CDH4: variants seen among roughly 807,000 people sequenced by gnomAD.
The protein encoded by CDH4 is cadherin-4.
A neutral mutation model predicts 86.0 loss-of-function variants in CDH4; 33 were observed. The observed-to-expected ratio is 0.38, with a 90% CI of 0.29 to 0.51. The LOEUF is 0.51. Among genes scored for constraint, CDH4 ranks in the 20% least tolerant of loss-of-function variants. The pLI is 0.86. For missense variants in CDH4, 1,114 were observed against 1,307.4 expected, an observed-to-expected ratio of 0.85 and a Z score of 2.28; for synonymous variants, 555 against 549.4, an observed-to-expected ratio of 1.01 and a Z score of -0.14.
chr20:61,499,908 CA>C (rs973733583), intron 2 of CDH4, among the ~76,000 whole-genome samples: 4 of 152,182 alleles, frequency 2.6e-5, no homozygotes, highest in African/African-American at 9.6e-5. Context: ...CTGTCTGTGG[CA>C]GGGGTGGTTG....
chr20:61,891,880 C>G (rs1424899567), intron 7 of CDH4, among the ~76,000 whole-genome samples: 4 of 152,184 alleles, frequency 2.6e-5, no homozygotes, highest in Non-Finnish European at 5.9e-5. Context: ...AGCCCTCCCT[C>G]CCTGAGATGC....
chr20:61,857,995 C>A (rs28399764), intron 6 of CDH4, among the ~76,000 whole-genome samples: 1 of 145,736 alleles, frequency 6.9e-6, no homozygotes, highest in East Asian at 2.1e-4. Flanking sequence ...GTGTGTGTGT[C>A]TCTGTGTGTC....
chr20:61,540,784 A>G (rs1309512308), intron 2 of CDH4, among the ~76,000 whole-genome samples: 1 of 152,148 alleles, frequency 6.6e-6, no homozygotes, highest in Admixed American at 6.5e-5. Context: ...GGCCAGAGGC[A>G]ATGTCAGGAA....
At chr20:61,549,941 G>C (rs1331154939) in intron 2 of CDH4, among the ~76,000 whole-genome samples, 5 of 152,160 alleles carry the variant, frequency 3.3e-5, no homozygotes, top group African/African-American at 1.2e-4. Flanking sequence ...AGCTGGTCCT[G>C]GAGTCCTGGC....
At chr20:61,306,089 G>A (rs969142521) in intron 2 of CDH4, among the ~76,000 whole-genome samples, 5 of 152,102 alleles carry the variant, frequency 3.3e-5, no homozygotes, top group Non-Finnish European at 4.4e-5. Flanking sequence ...TGGCCATCAC[G>A]CTCTTGAAAA....
rs142952807 is a variant in CDH4 at position 61,635,708 on chromosome 20, G to A, written c.170-107855G>A. On this transcript the variant is annotated intron_variant, in intron 2 of 15. Coordinates refer to ENST00000614565, the MANE Select transcript of CDH4 (RefSeq NM_001794.5). ...CTGGGGGTTGGAGTAGGAGGAGGAG[G>A]ATTCTCTGGGGGCTGACCAGTTTTG... Among the ~76,000 whole-genome samples, 500 of 152,316 alleles carry A rather than the reference G, an allele frequency of 3.3e-3. 2 individuals carry two copies. Among genetic ancestry groups the A allele is most frequent in the Middle Eastern group, 0.01 (3 of 294 alleles).
intron 4 of CDH4, among the ~76,000 whole-genome samples, chr20:61,839,311 TCTG>T (rs1437832549): frequency 6.6e-6 from 1 of 151,822 alleles, no homozygotes; most frequent in Non-Finnish European, 1.5e-5. Flanking sequence ...TGTATTGTGT[TCTG>T]TGTGTGTGTG....
intron 2 of CDH4, among the ~76,000 whole-genome samples, chr20:61,469,967 G>C (rs999739024): frequency 6.6e-6 from 1 of 152,080 alleles, no homozygotes; most frequent in South Asian, 2.1e-4. Context: ...CTATAGCTTT[G>C]TAGTATGATT....
In CDH4 at chr20:61,902,342, G is replaced by C. The variant is rs556771021; in HGVS notation, c.1188+7295G>C. On this transcript the variant is annotated intron_variant, in intron 8 of 15. Transcript: ENST00000614565. The surrounding 1 kb of genome is among the most constrained non-coding windows in gnomAD (Gnocchi z 4.6). ...CTCACTCTGCCCTTCACCAGCCACG[G>C]AGACCCGGGGTCTATGGGCAGTGCC... is the stretch of plus-strand genomic sequence containing the variant. Among the ~76,000 whole-genome samples, 4 of 152,380 alleles carry C rather than the reference G, an allele frequency of 2.6e-5. No individual in the cohort carries two copies. In the South Asian group the frequency reaches 8.3e-4, roughly 32 times the overall value.
At position 61,459,640 on chromosome 20, in the gene CDH4, C is replaced by T. The variant is rs112155757; in HGVS notation, c.169+204703C>T. Among the ~76,000 whole-genome samples the T allele has an allele frequency of 2.8e-3, 427 of 151,162 alleles. 2 individuals carry two copies. The highest frequency in any genetic ancestry group is 9.1e-3 in the African/African-American group (377 of 41,256). On this transcript the variant is annotated intron_variant, in intron 2 of 15. Transcript: ENST00000614565. ...GGACATGGTGAGGACACCATAGATG[C>T]GGGCTGACAAGGCTGACCTGTGGTC...
chr20:61,911,110 C>G (rs1469040635), intron 9 of CDH4, among the ~76,000 whole-genome samples: 1 of 152,166 alleles, frequency 6.6e-6, no homozygotes, highest in Admixed American at 6.5e-5. Context: ...AGAGACAGGT[C>G]TTATGATGCT....
chr20:61,274,741 TACTGTGTGCAGTTTGGGGC>T (rs2084216479), intron 2 of CDH4, among the ~76,000 whole-genome samples: 4 of 133,912 alleles, frequency 3.0e-5, no homozygotes, highest in African/African-American at 1.2e-4. Context: ...TTTGGGGGAG[TACTGTGTGCAGTTTGGGGC>T]AGTACTGTGT....
At chr20:61,387,353 TGCACAA>T (rs2084957274) in intron 2 of CDH4, among the ~76,000 whole-genome samples, 1 of 133,498 alleles carries the variant, frequency 7.5e-6, no homozygotes, top group Non-Finnish European at 1.6e-5. Context: ...CACATACAGC[TGCACAA>T]ACACAAACAC....
At chr20:61,276,267 A>G (rs2084231464) in intron 2 of CDH4, among the ~76,000 whole-genome samples, 1 of 152,140 alleles carries the variant, frequency 6.6e-6, no homozygotes, top group Admixed American at 6.5e-5. Flanking sequence ...TTGAACTCTT[A>G]AGCTAGAACT....
chr20:61,569,600 C>A (rs1355054533), intron 2 of CDH4, among the ~76,000 whole-genome samples: 1 of 152,196 alleles, frequency 6.6e-6, no homozygotes, highest in African/African-American at 2.4e-5. Context: ...AACTACAATG[C>A]AATTACTAAA....
intron 2 of CDH4, among the ~76,000 whole-genome samples, chr20:61,590,512 A>C (rs1478335692): frequency 1.3e-5 from 2 of 152,158 alleles, no homozygotes; most frequent in Non-Finnish European, 2.9e-5. Flanking sequence ...TTTCTTCTTT[A>C]TAGAAAATAG....
At chr20:61,359,843 G>A (rs1239576517) in intron 2 of CDH4, among the ~76,000 whole-genome samples, 1 of 152,224 alleles carries the variant, frequency 6.6e-6, no homozygotes, top group East Asian at 1.9e-4. Flanking sequence ...AGAGGCCTCA[G>A]AAAGAAAGTG....
At chr20:61,839,897 TG>T (rs1221743622) in intron 4 of CDH4, among the ~76,000 whole-genome samples, 7 of 151,570 alleles carry the variant, frequency 4.6e-5, no homozygotes, top group African/African-American at 1.7e-4. Context: ...TGTGTATGTG[TG>T]TACTGTGTGT....
intron 4 of CDH4, among the ~76,000 whole-genome samples, chr20:61,776,611 G>A (rs116804087): frequency 1.5e-3 from 234 of 152,332 alleles, no homozygotes; most frequent in African/African-American, 5.2e-3. Context: ...GGCCGTGAGC[G>A]GAAGGAGGCA....
Sources: gnomAD v4.1 joint callset for allele counts (sites outside exome capture counted in the v4.1 genomes callset) on GRCh38, gnomAD v4.1.1 for gene constraint, Gnocchi (gnomAD v3.1) non-coding constraint, MANE v1.5 for transcripts, NCBI Gene and HGNC (gene_info 2026-07-23, HGNC 2026-07-21) for gene names.